SLC14A2: variants seen among roughly 807,000 people sequenced by gnomAD.
The protein encoded by SLC14A2 is solute carrier family 14 member 2, also known as urea transporter 2.
SLC14A2 carries 91 observed loss-of-function variants against 104.6 expected under a neutral mutation model. That is an observed-to-expected ratio of 0.87 (90% CI 0.73 to 1.04). The LOEUF is 1.04. Among genes scored for constraint, SLC14A2 ranks in the 50% least tolerant of loss-of-function variants. SLC14A2 has a pLI of 0.00. For missense variants in SLC14A2, 1,189 were observed against 1,156.0 expected (o/e 1.03, Z -0.41); for synonymous variants, 476 against 466.4 (o/e 1.02, Z -0.27).
chr18:45,228,486 C>T (rs2084141512), intron 1 of SLC14A2, among the ~76,000 whole-genome samples: 1 of 152,122 alleles, frequency 6.6e-6, no homozygotes, highest in African/African-American at 2.4e-5. Flanking sequence ...CTCTGTAGGG[C>T]TATTGTAGTC....
At chr18:45,625,145 C>G (rs1031635919) in intron 2 of SLC14A2, among the ~76,000 whole-genome samples, 1 of 152,174 alleles carries the variant, frequency 6.6e-6, no homozygotes, top group South Asian at 2.1e-4. Flanking sequence ...CATTAGCATC[C>G]TCGGTGGTAG....
At chr18:45,174,546 A>T in the SLC14A2 span, among the ~76,000 whole-genome samples, 1 of 152,134 alleles carries the variant, frequency 6.6e-6, no homozygotes, top group South Asian at 2.1e-4. Flanking sequence ...CTTAAAAAAA[A>T]GGCAGAGTTT....
At chr18:45,382,603 C>A (rs1426888572) in intron 1 of SLC14A2, among the ~76,000 whole-genome samples, 1 of 152,152 alleles carries the variant, frequency 6.6e-6, no homozygotes, top group Non-Finnish European at 1.5e-5. Flanking sequence ...GAAAAGAATT[C>A]TATGCCCTTA....
chr18:45,527,709 C>T (rs967633299), intron 2 of SLC14A2: 1 of 152,160 alleles, frequency 6.6e-6, no homozygotes, highest in Non-Finnish European at 1.5e-5. Context: ...TTTTTCTCAA[C>T]TGTAAAGTTC....
intron 1 of SLC14A2, among the ~76,000 whole-genome samples, chr18:45,393,035 A>G (rs553709698): frequency 6.6e-6 from 1 of 152,342 alleles, no homozygotes; most frequent in East Asian, 1.9e-4. Flanking sequence ...ATTTCAGATG[A>G]CTATACACTT....
rs12968447 is a variant in SLC14A2, at chr18:45,236,660, T to G, written c.-125+23469T>G. Among the ~76,000 whole-genome samples, 1,199 of 138,160 alleles carry G rather than the reference T, an allele frequency of 8.7e-3. 10 individuals are homozygous for G. The highest frequency in any genetic ancestry group is 0.011 in the Middle Eastern group (3 of 262). 90.6% of individuals were successfully genotyped at this position (138,160 alleles called of 152,430 possible). ...ACACACACTTTTTCTTTTTCTTTCT[T>G]TCATCAATGGACACTGATCTTGATT... On this transcript the variant is annotated intron_variant, in intron 1 of 20. Transcript: ENST00000586448.
chr18:45,208,209 G>A (rs966181827), upstream of SLC14A2, among the ~76,000 whole-genome samples: 2 of 152,174 alleles, frequency 1.3e-5, no homozygotes, highest in African/African-American at 4.8e-5. Flanking sequence ...TGGGCTTGGA[G>A]ATCTAGAATT....
intron 1 of SLC14A2, among the ~76,000 whole-genome samples, chr18:45,442,270 A>G (rs953627281): frequency 6.6e-6 from 1 of 152,206 alleles, no homozygotes; most frequent in African/African-American, 2.4e-5. Flanking sequence ...CTGCCATCAC[A>G]AAGTGCCGCA....
chr18:45,584,322 A>G (rs1025396691), intron 2 of SLC14A2, among the ~76,000 whole-genome samples: 4 of 152,238 alleles, frequency 2.6e-5, no homozygotes, highest in African/African-American at 9.6e-5. Flanking sequence ...ACACTTTAAC[A>G]GAAACTCATG....
intron 2 of SLC14A2, among the ~76,000 whole-genome samples, chr18:45,571,845 A>AAAAT (rs1278764182): frequency 1.3e-5 from 2 of 152,236 alleles, no homozygotes; most frequent in East Asian, 3.8e-4. Context: ...CTCATTGAGT[A>AAAAT]AAATATAATA....
At chr18:45,281,061 C>G (rs1465613561) in intron 1 of SLC14A2, among the ~76,000 whole-genome samples, 2 of 152,178 alleles carry the variant, frequency 1.3e-5, no homozygotes, top group African/African-American at 4.8e-5. Flanking sequence ...TCAGTCTAAA[C>G]AGTCATTCCG....
At chr18:45,569,395 T>C (rs932345927) in intron 2 of SLC14A2, among the ~76,000 whole-genome samples, 1 of 152,238 alleles carries the variant, frequency 6.6e-6, no homozygotes, top group Non-Finnish European at 1.5e-5. Context: ...GATTCATTAA[T>C]ATACCAGTGC....
intron 1 of SLC14A2, among the ~76,000 whole-genome samples, chr18:45,479,114 G>C (rs2087444786): frequency 6.6e-6 from 1 of 152,134 alleles, no homozygotes; most frequent in South Asian, 2.1e-4. Context: ...CCTCAACAAA[G>C]GTGAGGTTTG....
intron 18 of SLC14A2, among the ~76,000 whole-genome samples, 158 bp from the exon 19 acceptor site, chr18:45,678,817 A>G (rs897941605): frequency 6.6e-6 from 1 of 152,226 alleles, no homozygotes; most frequent in Non-Finnish European, 1.5e-5. Context: ...TAACAATTTT[A>G]AAGCTGCCAA....
intron 1 of SLC14A2, among the ~76,000 whole-genome samples, chr18:45,380,185 T>G (rs916560548): frequency 6.6e-6 from 1 of 152,218 alleles, no homozygotes; most frequent in African/African-American, 2.4e-5. Context: ...TTTGGTGTCC[T>G]GGAAAGAACC....
At chr18:45,181,419 GT>G in the SLC14A2 span, 1 of 152,162 alleles carries the variant, frequency 6.6e-6, no homozygotes, top group African/African-American at 2.4e-5. Context: ...GGTGGTGTGG[GT>G]GGGGCAGGCA....
chr18:45,673,670 C>T lies in SLC14A2; in HGVS notation c.2378-13C>T. ...ACCCTAGACCCAACCCTGATGCCTGCCTTCTGTCACAGCACTCACTATTGC... is the reference window on the plus strand; with the variant it reads ...ACCCTAGACCCAACCCTGATGCCTGTCTTCTGTCACAGCACTCACTATTGC... On this transcript the variant is annotated splice_polypyrimidine_tract_variant and intron_variant, in intron 17 of 19. Transcript: ENST00000255226. 1 of 1,612,652 alleles carries T rather than the reference C, an allele frequency of 6.2e-7. No individual in the cohort carries two copies. The highest frequency in any genetic ancestry group is 8.5e-7 in the Non-Finnish European group (1 of 1,178,768).
intron 1 of SLC14A2, among the ~76,000 whole-genome samples, chr18:45,464,868 G>A (rs1035132030): frequency 8.5e-5 from 13 of 152,278 alleles, no homozygotes; most frequent in Admixed American, 6.5e-4. Context: ...GATAATTGCC[G>A]GCAGCAGGAG....
chr18:45,315,867 G>C (rs944346850), intron 1 of SLC14A2, among the ~76,000 whole-genome samples: 1 of 152,244 alleles, frequency 6.6e-6, no homozygotes, highest in Non-Finnish European at 1.5e-5. Context: ...GTAGCACACA[G>C]TGCCTTCAGA....
Sources: gnomAD v4.1 joint callset for allele counts (sites outside exome capture counted in the v4.1 genomes callset) on GRCh38, gnomAD v4.1.1 for gene constraint, MANE v1.5 for transcripts, NCBI Gene and HGNC (gene_info 2026-07-23, HGNC 2026-07-21) for gene names.